Variants in ABHD12 observed in about 807,000 individuals in gnomAD.
ABHD12 encodes abhydrolase domain containing 12, lysophospholipase, also known as lysophosphatidylserine lipase ABHD12.
ABHD12 carries 43 observed loss-of-function variants against 58.3 expected under a neutral mutation model. The observed-to-expected ratio is 0.74, with a 90% CI of 0.58 to 0.95. ABHD12 has a LOEUF of 0.95. Ranked by LOEUF, ABHD12 falls within the 40% of genes least tolerant of loss-of-function variation. The pLI is 0.00. For synonymous variants in ABHD12, 219 were observed against 211.2 expected (o/e 1.04, Z -0.32); for missense variants, 539 against 537.2 (o/e 1.00, Z -0.03).
At chr20:25,298,580 A>T (rs2088587202), downstream of ABHD12, among the ~76,000 whole-genome samples, 1 of 152,084 alleles carries the variant, frequency 6.6e-6, no homozygotes, top group African/African-American at 2.4e-5. Flanking sequence ...TAAAAATTCT[A>T]TCAATCAATC....
chr20:25,324,613 G>T (rs929513975), intron 2 of ABHD12, among the ~76,000 whole-genome samples: 1 of 152,166 alleles, frequency 6.6e-6, no homozygotes, highest in African/African-American at 2.4e-5. Context: ...GACAGGGGTT[G>T]CGTGACTCCC....
At chr20:25,309,648 G>A in intron 6 of ABHD12, 73 bp from the exon 7 acceptor site, 1 of 1,599,652 alleles carries the variant, frequency 6.3e-7, no homozygotes, top group South Asian at 1.1e-5. Flanking sequence ...ACCTCCCCAA[G>A]GGGGCCCAGG....
rs143604948 is a variant in ABHD12 at position 25,373,244 on chromosome 20, G to A, written c.191+17269C>T. ...AGTGACATTACTACATGGCATGACA[G>A]CGTCAAAGATGTTGCTTCAAGGCCA... On this transcript the variant is annotated intron_variant, in intron 1 of 12. Transcript: ENST00000339157. 9.2e-5 allele frequency among the ~76,000 whole-genome samples: 14 copies of A among 152,322 alleles called. No individual in the cohort carries two copies. In the East Asian group the frequency reaches 1.7e-3, roughly 19 times the overall value.
At chr20:25,387,732 T>TA (rs925093433) in intron 1 of ABHD12, among the ~76,000 whole-genome samples, 16 of 150,636 alleles carry the variant, frequency 1.1e-4, no homozygotes, top group East Asian at 2.0e-4. Context: ...GGAACTTTCT[T>TA]AAAAAAAAAA....
intron 2 of ABHD12, among the ~76,000 whole-genome samples, chr20:25,324,837 A>C (rs1291893480): frequency 6.6e-6 from 1 of 152,124 alleles, no homozygotes; most frequent in Non-Finnish European, 1.5e-5. Flanking sequence ...CATCTTCAAA[A>C]TTTTAGTAAG....
chr20:25,313,310 T>C (rs2088897603), intron 6 of ABHD12, among the ~76,000 whole-genome samples: 1 of 152,308 alleles, frequency 6.6e-6, no homozygotes, highest in Non-Finnish European at 1.5e-5. Flanking sequence ...CTGAAACATG[T>C]GCTGTGTCCA....
chr20:25,298,617 T>G (rs887788092), downstream of ABHD12, among the ~76,000 whole-genome samples: 38 of 152,328 alleles, frequency 2.5e-4, no homozygotes, highest in Middle Eastern at 3.4e-3. Flanking sequence ...AAACATGCTA[T>G]CTGGGGATAA....
intron 1 of ABHD12, among the ~76,000 whole-genome samples, chr20:25,382,322 G>A (rs1394156939): frequency 7.9e-5 from 12 of 152,106 alleles, no homozygotes; most frequent in Middle Eastern, 6.8e-3. Flanking sequence ...CACTCTAGAC[G>A]CTGGCTCTCG....
At chr20:25,339,482 A>G in intron 1 of ABHD12, 131 bp from the exon 2 acceptor site, 2 of 1,457,560 alleles carry the variant, frequency 1.4e-6, no homozygotes, top group Non-Finnish European at 1.9e-6. Flanking sequence ...ACTGCCAATA[A>G]TAAAAGTAGC....
At chr20:25,381,710 C>G (rs997345113) in intron 1 of ABHD12, among the ~76,000 whole-genome samples, 4 of 151,684 alleles carry the variant, frequency 2.6e-5, no homozygotes, top group African/African-American at 9.7e-5. Flanking sequence ...GCAATCTCGG[C>G]TCACTGCAGC....
At chr20:25,375,244 G>A (rs1039124291) in intron 1 of ABHD12, among the ~76,000 whole-genome samples, 1 of 152,142 alleles carries the variant, frequency 6.6e-6, no homozygotes. Context: ...ATAAACTTCT[G>A]CCATTTAAGT....
chr20:25,380,194 A>AT (rs944728938), intron 1 of ABHD12, among the ~76,000 whole-genome samples: 4 of 151,924 alleles, frequency 2.6e-5, no homozygotes, highest in African/African-American at 9.7e-5. Context: ...CATTTCAGTA[A>AT]TTTTCAGGTT....
chr20:25,327,885 C>G (rs2089202803), intron 2 of ABHD12, among the ~76,000 whole-genome samples: 1 of 152,160 alleles, frequency 6.6e-6, no homozygotes, highest in East Asian at 1.9e-4. Context: ...CTGGCACCAT[C>G]CAGATTGATA....
chr20:25,312,554 T>C (rs2088870916), intron 6 of ABHD12, among the ~76,000 whole-genome samples: 1 of 151,950 alleles, frequency 6.6e-6, no homozygotes, highest in African/African-American at 2.4e-5. Flanking sequence ...AGCCGCCTGC[T>C]TTGGCCTCCC....
chr20:25,390,496 T>A lies in ABHD12; in HGVS notation c.191+17A>T. The A allele has an allele frequency of 2.5e-6, 2 of 808,776 alleles. No homozygotes were observed. Among genetic ancestry groups the A allele is most frequent in the Non-Finnish European group, 3.2e-6 (2 of 625,348 alleles). 50.1% of individuals were successfully genotyped at this position (808,776 alleles called of 1,614,324 possible). A position where few individuals can be genotyped will look rare whatever the true frequency, so the allele number is the denominator to read the frequency against. ...GGACCGGCCCCCCCCCCCCCCCCGC[T>A]CCGCGCGAAGCCTCACCTGCCCAGC... On this transcript the variant is annotated intron_variant, in intron 1 of 12. Transcript: ENST00000339157.
At chr20:25,356,338 A>G (rs2089668104) in intron 1 of ABHD12, among the ~76,000 whole-genome samples, 1 of 152,194 alleles carries the variant, frequency 6.6e-6, no homozygotes, top group South Asian at 2.1e-4. Context: ...AGGCTTTTCT[A>G]TCAGCTCAGC....
Position 25,323,374 on chromosome 20 carries a change from T to G in ABHD12, c.373A>C (p.Thr125Pro). 6.2e-7 allele frequency: 1 copy of G among 1,614,178 alleles called. No homozygotes were observed. The highest frequency in any genetic ancestry group is 8.5e-7 in the Non-Finnish European group (1 of 1,179,986). The change falls in exon 3 of 13, where the codon ACG (threonine) becomes CCG (proline). Residue 125 changes from threonine to proline, a missense_variant. Coordinates refer to ENST00000339157, the MANE Select transcript of ABHD12 (RefSeq NM_001042472.3). ...KKPQDQGLNH[T>P]CNYYLQPEED... ...TCTGGCTGCAGGTAGTAGTTACACG[T>G]GTGATTCAAACCTTGATCCTGTGGT...
chr20:25,390,477 G>GGGGGGCCCCCC (rs2146160499), intron 1 of ABHD12, 36 bp downstream of exon 1: 7 of 102,826 alleles, frequency 6.8e-5, no homozygotes, highest in East Asian at 1.4e-3. Flanking sequence ...TGAGGGACCG[G>GGGGGGCCCCCC]CCCCCCCCCC....
chr20:25,368,262 C>T, intron 1 of ABHD12: 1 of 1,519,034 alleles, frequency 6.6e-7, no homozygotes, highest in Non-Finnish European at 9.0e-7. Context: ...AGATAAAACA[C>T]AAGTCAAACT....
Sources: gnomAD v4.1 joint callset for allele counts (sites outside exome capture counted in the v4.1 genomes callset) on GRCh38, gnomAD v4.1.1 for gene constraint, MANE v1.5 for transcripts, NCBI Gene and HGNC (gene_info 2026-07-23, HGNC 2026-07-21) for gene names.